The following BOD1L1 variants were observed in gnomAD, a reference collection of about 807,000 sequenced individuals.
BOD1L1 encodes the protein biorientation of chromosomes in cell division 1 like 1.
Under a neutral mutation model 240.7 loss-of-function variants are expected in BOD1L1, and 86 were observed. The observed-to-expected ratio is 0.36, with a 90% CI of 0.30 to 0.43. BOD1L1 has a LOEUF of 0.43. Among genes scored for constraint, BOD1L1 ranks in the 20% least tolerant of loss-of-function variants. The pLI, the probability that BOD1L1 is intolerant of heterozygous loss-of-function variation, is 1.00. For missense variants in BOD1L1, 3,554 were observed against 3,643.5 expected, an observed-to-expected ratio of 0.98 and a Z score of 0.63; for synonymous variants, 1,268 against 1,272.3, an observed-to-expected ratio of 1.00 and a Z score of 0.07.
rs1490082641 is a variant in BOD1L1 at position 13,600,843 on chromosome 4, A to C, written c.6057T>G (p.Cys2019Trp). 7 of 1,613,720 alleles carry C rather than the reference A, an allele frequency of 4.3e-6. No homozygotes were observed. The highest frequency in any genetic ancestry group is 1.7e-6 in the Non-Finnish European group (2 of 1,179,828). ...DVLVSGEVPECEVAHTSPSEK... is the reference protein window; with the variant it reads ...DVLVSGEVPEWEVAHTSPSEK... ...CACTTGGTGATGTGTGAGCAACTTCACATTCTGGGACTTCACCAGATACAA... is the reference window on the plus strand; with the variant it reads ...CACTTGGTGATGTGTGAGCAACTTCCCATTCTGGGACTTCACCAGATACAA... Residue 2019 changes from cysteine (C) to tryptophan (W), a missense_variant, in exon 10 of 26, where the codon TGT becomes TGG. Physicochemically the swap from Cys to Trp is radical, Grantham distance 215. Transcript: ENST00000040738.
Position 13,603,053 on chromosome 4 carries a change from A to G in BOD1L1, c.3847T>C (p.Ser1283Pro), listed in dbSNP as rs1187054339. The stretch of plus-strand genomic sequence containing the variant: ...GGCACAACAGTCACTGAACTTAAGG[A>G]TGGTGAGGAGTCTAAATTTGTGGAA... ...EHSTNLDSSP[S>P]LSSVTVVPLR... The change falls in exon 10 of 26, where the codon TCC becomes CCC. Residue 1283 changes from serine (S) to proline (P), a missense_variant. Physicochemically the swap from Ser to Pro is moderately conservative, Grantham distance 74. Transcript: ENST00000040738. 6.2e-7 allele frequency: 1 copy of G among 1,613,886 alleles called. No homozygotes were observed. Among genetic ancestry groups the G allele is most frequent in the South Asian group, 1.1e-5 (1 of 91,082 alleles).
Position 13,604,487 on chromosome 4 carries a change from C to A in BOD1L1, c.2413G>T (p.Asp805Tyr). The A allele has an allele frequency of 6.5e-7, 1 of 1,532,422 alleles. No individual in the cohort carries two copies. The highest frequency in any genetic ancestry group is 1.3e-5 in the South Asian group (1 of 75,882). The allele number at this position is 1,532,422 out of a possible 1,614,324, so 94.9% of individuals were successfully genotyped here. ...ATATATTCAGAAACTGGCTTTCCAT[C>A]TTTGCCTAATACTGATAATTTCCTT... is the stretch of plus-strand genomic sequence containing the variant. ...NERKLSVLGK[D>Y]GKPVSEYIIK... Residue 805 changes from aspartate (D) to tyrosine (Y), a missense_variant, in exon 10 of 26, where the codon GAT becomes TAT. This residue lies in a region of BOD1L1 where 3,393 missense variants were observed against 3,427.1 expected (regional missense o/e 0.99). Transcript: ENST00000040738.
chr4:13,602,676 G>A lies in BOD1L1; in HGVS notation c.4224C>T (p.Asp1408=). ...TTAAGTCATTTTCTTTCTTGGCCAT[G>A]TCCACTAAGCCACCTTCTTTGGTAA... ...ENITKEGGLV[D]MAKKENDLNA... is the part of the protein sequence containing the mutation. Residue 1408 remains aspartate (D), a synonymous_variant, in exon 10 of 26, where the codon GAC becomes GAT. Transcript: ENST00000040738. 1.2e-6 allele frequency: 2 copies of A among 1,614,008 alleles called. No individual in the cohort carries two copies. Among genetic ancestry groups the A allele is most frequent in the Non-Finnish European group, 1.7e-6 (2 of 1,179,898 alleles).
chr4:13,617,129 C>G (rs1311434479), intron 2 of BOD1L1, among the ~76,000 whole-genome samples: 1 of 151,402 alleles, frequency 6.6e-6, no homozygotes, highest in Non-Finnish European at 1.5e-5. Context: ...CCTGTAATCC[C>G]AGCTACTTGG....
chr4:13,621,845 C>T (rs191090963), intron 1 of BOD1L1, among the ~76,000 whole-genome samples: 36 of 149,818 alleles, frequency 2.4e-4, no homozygotes, highest in Admixed American at 8.1e-4. Context: ...TATCCAAAAT[C>T]GATATGAACT....
In BOD1L1 at chr4:13,582,285, A is replaced by C; in HGVS notation, c.8544T>G (p.Thr2848=). The C allele has an allele frequency of 6.2e-7, 1 of 1,613,610 alleles. No homozygotes were observed. The highest frequency in any genetic ancestry group is 8.5e-7 in the Non-Finnish European group (1 of 1,179,708). Residue 2848 remains threonine, a synonymous_variant, in exon 19 of 26, where the codon ACT becomes ACG. Transcript: ENST00000040738. ...CATCGTTCTGCTCTGGCTTTTCACC[A>C]GTAGTTTCACTGCTGCTATATTCAT... ...EKDEYSSSET[T]GEKPEQNDDD...
intron 25 of BOD1L1, among the ~76,000 whole-genome samples, chr4:13,572,223 G>A (rs191651648): frequency 2.6e-4 from 39 of 152,320 alleles, no homozygotes; most frequent in Non-Finnish European, 2.1e-4. Context: ...TGCTGGTGGT[G>A]AGGACACTCC....
Position 13,615,292 on chromosome 4 carries a change from C to A in BOD1L1, c.559+20G>T. ...CAAGAAGAAAAACAATGGAACTGAC[C>A]AAGAGTAAAAGCAAAGCACCTTGTG... On this transcript the variant is annotated intron_variant, in intron 3 of 25. Coordinates refer to ENST00000040738, the MANE Select transcript of BOD1L1 (RefSeq NM_148894.3). The A allele has an allele frequency of 6.3e-7, 1 of 1,578,456 alleles. No individual in the cohort carries two copies.
chr4:13,604,518 C>A lies in BOD1L1; in HGVS notation c.2382G>T (p.Arg794Ser), dbSNP rs765435763. The change falls in exon 10 of 26, where the codon AGG (arginine) becomes AGT (serine). Residue 794 changes from arginine to serine, a missense_variant. Arg to Ser is a moderately radical substitution (Grantham distance 110). Coordinates refer to ENST00000040738, the MANE Select transcript of BOD1L1 (RefSeq NM_148894.3). ...CTAATACTGATAATTTCCTTTCATT[C>A]CTATGTTTACTTTTTCGTTCGGTTT... is the stretch of plus-strand genomic sequence containing the variant. ...DDKTERKSKH[R>S]NERKLSVLGK... 3 of 1,531,262 alleles carry A rather than the reference C, an allele frequency of 2.0e-6. No homozygotes were observed. The highest frequency in any genetic ancestry group is 1.7e-6 in the Non-Finnish European group (2 of 1,146,802). The allele number at this position is 1,531,262 out of a possible 1,614,324, so 94.9% of individuals were successfully genotyped here.
At chr4:13,610,792 T>C (rs1385722823) in intron 6 of BOD1L1, 142 bp downstream of exon 6, 1 of 584,596 alleles carries the variant, frequency 1.7e-6, no homozygotes, top group East Asian at 3.0e-5. Flanking sequence ...TTACATCTAC[T>C]CTACCTAGTT....
Position 13,602,975 on chromosome 4 carries a change from C to T in BOD1L1, c.3925G>A (p.Val1309Ile). ...DVIPLFDKRT[V>I]LEGSTASTSP... ...GTGCTGGCTGTGCTACCTTCCAAAA[C>T]AGTTCTTTTGTCAAACAGAGGAATT... is the stretch of plus-strand genomic sequence containing the variant. The change falls in exon 10 of 26, where the codon GTT becomes ATT. Residue 1309 changes from valine to isoleucine, a missense_variant. By Grantham distance (29) the Val-to-Ile change is conservative (BLOSUM62 3). Transcript: ENST00000040738. 6.2e-7 allele frequency: 1 copy of T among 1,613,976 alleles called. No homozygotes were observed. Among genetic ancestry groups the T allele is most frequent in the Non-Finnish European group, 8.5e-7 (1 of 1,179,886 alleles).
intron 25 of BOD1L1, among the ~76,000 whole-genome samples, chr4:13,575,705 A>AAAGTGATTAACGGTT (rs1712657775): frequency 6.6e-6 from 1 of 152,124 alleles, no homozygotes; most frequent in Admixed American, 6.5e-5. Flanking sequence ...CATGTTTGGG[A>AAAGTGATTAACGGTT]AAGTGATTAA....
intron 14 of BOD1L1, 132 bp downstream of exon 14, chr4:13,590,254 C>T (rs919134850): frequency 4.1e-6 from 2 of 489,116 alleles, no homozygotes; most frequent in South Asian, 7.0e-5. Context: ...TTAACTATCA[C>T]TTTACTGAAT....
intron 1 of BOD1L1, among the ~76,000 whole-genome samples, chr4:13,621,736 T>C (rs1317763311): frequency 6.6e-6 from 1 of 152,158 alleles, no homozygotes; most frequent in Non-Finnish European, 1.5e-5. Flanking sequence ...ATGACAAACA[T>C]TTTATCCCTC....
In BOD1L1 at chr4:13,591,398, A is replaced by G. The variant is rs116453545; in HGVS notation, c.8148+525T>C. Among the ~76,000 whole-genome samples the G allele has an allele frequency of 7.9e-3, 1,206 of 152,322 alleles. 6 individuals are homozygous for G. Among genetic ancestry groups the G allele is most frequent in the Non-Finnish European group, 0.013 (906 of 68,026 alleles). ...CATTGGAAAGAATGCAGTTGTCTGCACATTTGGAAACATTTTATAAAATGT... is the reference window on the plus strand; with the variant it reads ...CATTGGAAAGAATGCAGTTGTCTGCGCATTTGGAAACATTTTATAAAATGT... On this transcript the variant is annotated intron_variant, in intron 13 of 25. Coordinates refer to ENST00000040738, the MANE Select transcript of BOD1L1 (RefSeq NM_148894.3).
intron 12 of BOD1L1, among the ~76,000 whole-genome samples, chr4:13,595,556 G>A (rs1714551083): frequency 6.6e-6 from 1 of 152,168 alleles, no homozygotes; most frequent in South Asian, 2.1e-4. Flanking sequence ...ACAGGCAGGG[G>A]TATGGAGAAA....
chr4:13,594,689 G>C (rs1002404481), intron 12 of BOD1L1, among the ~76,000 whole-genome samples: 1 of 152,172 alleles, frequency 6.6e-6, no homozygotes, highest in African/African-American at 2.4e-5. Context: ...GAGGTCAGGA[G>C]ATCGAGACCA....
In BOD1L1 at chr4:13,614,449, A is replaced by G. The variant is rs772008040; in HGVS notation, c.921T>C (p.Val307=). The change falls in exon 4 of 26, where the codon GTT becomes GTC. Residue 307 remains valine (V), a synonymous_variant. Coordinates refer to ENST00000040738, the MANE Select transcript of BOD1L1 (RefSeq NM_148894.3). ...TTTTTTGCTCACTGCTTTCCTGTTG[A>G]ACATCCTTATTTAGCAGAATTAAAT... ...HNNLILLNKD[V]QQESSEQKNK... 3 of 1,610,748 alleles carry G rather than the reference A, an allele frequency of 1.9e-6. No individual in the cohort carries two copies. Among genetic ancestry groups the G allele is most frequent in the South Asian group, 2.2e-5 (2 of 90,718 alleles).
At position 13,602,024 on chromosome 4, in the gene BOD1L1, T is replaced by C; in HGVS notation, c.4876A>G (p.Arg1626Gly). 3.1e-6 allele frequency: 5 copies of C among 1,614,028 alleles called. No individual in the cohort carries two copies. The highest frequency in any genetic ancestry group is 4.2e-6 in the Non-Finnish European group (5 of 1,179,906). The change falls in exon 10 of 26, where the codon AGA (arginine) becomes GGA (glycine). Residue 1626 changes from arginine to glycine, a missense_variant. Arg to Gly is a moderately radical substitution (Grantham distance 125). Around this residue, in one of 2 missense-constraint regions of BOD1L1, gnomAD observed 3,393 missense variants for 3,427.1 expected, o/e 0.99. Transcript: ENST00000040738. ...GECAVAESEDRAADLLAVHAV... is the reference protein window; with the variant it reads ...GECAVAESEDGAADLLAVHAV... ...TGCACAGCCAGTAGGTCTGCTGCTC[T>C]GTCCTCAGATTCAGCCACAGCACAC...
Sources: gnomAD v4.1 joint callset for allele counts (sites outside exome capture counted in the v4.1 genomes callset) on GRCh38, gnomAD v4.1.1 for gene constraint, gnomAD v4.1.1 regional missense constraint, MANE v1.5 for transcripts, NCBI Gene and HGNC (gene_info 2026-07-23, HGNC 2026-07-21) for gene names.